The following SRPK1 variants were observed in gnomAD, a reference collection of about 807,000 sequenced individuals.
SRPK1 encodes SRSF protein kinase 1.
SRPK1 carries 52 observed loss-of-function variants against 89.5 expected under a neutral mutation model. The ratio of observed to expected loss-of-function variants is 0.58; its 90% CI spans 0.46 to 0.73. SRPK1 has a LOEUF of 0.73. SRPK1 is among the 30% of genes least tolerant of loss of function. SRPK1 has a pLI of 0.00. For missense variants in SRPK1, 603 were observed against 780.6 expected, an observed-to-expected ratio of 0.77 and a Z score of 2.71; for synonymous variants, 255 against 270.2, an observed-to-expected ratio of 0.94 and a Z score of 0.55.
chr6:35,838,273 G>A, intron 15 of SRPK1, 64 bp downstream of exon 15: 1 of 1,150,504 alleles, frequency 8.7e-7, no homozygotes, highest in Non-Finnish European at 1.2e-6. Context: ...TTGGGAATAT[G>A]TGCTTACCTC....
At chr6:35,914,926 G>A (rs1169710831) in intron 2 of SRPK1, among the ~76,000 whole-genome samples, 1 of 151,904 alleles carries the variant, frequency 6.6e-6, no homozygotes, top group Non-Finnish European at 1.5e-5. Flanking sequence ...AGCCTCCTGT[G>A]TGGCTGGGAT....
intron 2 of SRPK1, among the ~76,000 whole-genome samples, chr6:35,903,340 C>T (rs1208038964): frequency 6.6e-6 from 1 of 151,966 alleles, no homozygotes; most frequent in East Asian, 1.9e-4. Context: ...GGTGAAACCC[C>T]ACCTCTACTG....
chr6:35,920,719 G>C (rs1771217222), intron 1 of SRPK1, 191 bp from the exon 2 acceptor site: 1 of 238,392 alleles, frequency 4.2e-6, no homozygotes, highest in African/African-American at 2.3e-5. Context: ...GGCGGGATGC[G>C]CCGGAGGGGT....
Position 35,857,254 on chromosome 6 carries a change from A to G in SRPK1, c.1620+7T>C. Reference sequence around the variant, plus strand: ...AACAAGTGAAAGCCAAGGGGAAAAAACATTACCATGCATGCCGTGCTCCAA... The same window carrying G: ...AACAAGTGAAAGCCAAGGGGAAAAAGCATTACCATGCATGCCGTGCTCCAA... On this transcript the variant is annotated splice_region_variant and intron_variant, in intron 13 of 15. Coordinates refer to ENST00000373825, the MANE Select transcript of SRPK1 (RefSeq NM_003137.5). The G allele has an allele frequency of 6.2e-7, 1 of 1,605,750 alleles. No individual in the cohort carries two copies. The highest frequency in any genetic ancestry group is 8.5e-7 in the Non-Finnish European group (1 of 1,174,390).
chr6:35,919,893 A>T (rs1369690683), intron 2 of SRPK1, among the ~76,000 whole-genome samples: 1 of 152,224 alleles, frequency 6.6e-6, no homozygotes, highest in Non-Finnish European at 1.5e-5. Flanking sequence ...CACCGACTGT[A>T]TACACAGCGG....
chr6:35,853,379 TTAAG>T (rs1434693619), intron 13 of SRPK1, among the ~76,000 whole-genome samples: 6 of 152,312 alleles, frequency 3.9e-5, no homozygotes, highest in South Asian at 2.1e-4. Context: ...TAGAAACAAT[TTAAG>T]TACACAGAGG....
rs373236547 is a variant in SRPK1, at chr6:35,843,118, A to G, written c.1621-514T>C. On this transcript the variant is annotated intron_variant, in intron 13 of 15. Transcript: ENST00000373825. ...CGAGTAGCTGGGACTACAGGTGCCC[A>G]CCACCACGCCCAGCTAATTTTTTGT... 2.0e-3 allele frequency among the ~76,000 whole-genome samples: 305 copies of G among 149,712 alleles called. 6 individuals carry two copies. The South Asian group carries it at 0.027, about 13-fold the overall frequency.
At chr6:35,888,296 A>G (rs551271962) in intron 4 of SRPK1, among the ~76,000 whole-genome samples, 185 bp from the exon 5 acceptor site, 7 of 152,194 alleles carry the variant, frequency 4.6e-5, no homozygotes, top group Non-Finnish European at 7.4e-5. Context: ...TTTCATTTAT[A>G]GGAAGAATAA....
At chr6:35,861,497 GA>G (rs1769782046) in intron 12 of SRPK1, among the ~76,000 whole-genome samples, 2 of 152,208 alleles carry the variant, frequency 1.3e-5, no homozygotes, top group African/African-American at 4.8e-5. Flanking sequence ...TGAGGAGGAA[GA>G]GGGGAGGCTA....
chr6:35,911,063 T>G (rs1168391258), intron 2 of SRPK1, among the ~76,000 whole-genome samples: 1 of 152,198 alleles, frequency 6.6e-6, no homozygotes, highest in African/African-American at 2.4e-5. Context: ...ATTTCAACTT[T>G]CAAGTCTTAT....
rs756298367 is a variant in SRPK1 at position 35,857,263 on chromosome 6, T to C, written c.1618A>G (p.Met540Val). 6.2e-7 allele frequency: 1 copy of C among 1,609,510 alleles called. No homozygotes were observed. The highest frequency in any genetic ancestry group is 8.5e-7 in the Non-Finnish European group (1 of 1,177,068). Residue 540 changes from methionine to valine, a missense_variant and splice_region_variant, in exon 13 of 16, where the codon ATG becomes GTG. By Grantham distance (21) the Met-to-Val change is conservative (BLOSUM62 1). Coordinates refer to ENST00000373825, the MANE Select transcript of SRPK1 (RefSeq NM_003137.5). ...AAGCCAAGGGGAAAAAACATTACCA[T>C]GCATGCCGTGCTCCAAATGTCAGCA... ...TPADIWSTACMAFELATGDYL... is the reference protein window; with the variant it reads ...TPADIWSTACVAFELATGDYL...
intron 6 of SRPK1, among the ~76,000 whole-genome samples, chr6:35,875,956 T>A (rs1045849421): frequency 1.3e-5 from 2 of 152,114 alleles, no homozygotes; most frequent in African/African-American, 4.8e-5. Flanking sequence ...TGCATTCGAA[T>A]GCATATTCTA....
chr6:35,909,237 G>A (rs1248752761), intron 2 of SRPK1, among the ~76,000 whole-genome samples: 3 of 152,194 alleles, frequency 2.0e-5, no homozygotes, highest in African/African-American at 7.2e-5. Context: ...CCCTTGCATC[G>A]GCATGCCCTG....
At chr6:35,905,228 T>C (rs1240850874) in intron 2 of SRPK1, among the ~76,000 whole-genome samples, 2 of 152,134 alleles carry the variant, frequency 1.3e-5, no homozygotes, top group East Asian at 1.9e-4. Context: ...CTAGCTTCTG[T>C]TGAAAAAGCT....
intron 14 of SRPK1, 65 bp downstream of exon 14, chr6:35,842,470 T>A: frequency 7.8e-7 from 1 of 1,287,304 alleles, no homozygotes; most frequent in Non-Finnish European, 1.1e-6. Context: ...TACTAACAAA[T>A]GATGTTAGCT....
At chr6:35,859,542 G>A (rs1361517800) in intron 12 of SRPK1, among the ~76,000 whole-genome samples, 1 of 152,128 alleles carries the variant, frequency 6.6e-6, no homozygotes, top group Admixed American at 6.5e-5. Flanking sequence ...CTTCATATAT[G>A]TGCATTTCAC....
At chr6:35,845,255 CTT>C (rs1478496526) in intron 13 of SRPK1, among the ~76,000 whole-genome samples, 1 of 147,826 alleles carries the variant, frequency 6.8e-6, no homozygotes, top group Non-Finnish European at 1.5e-5. Flanking sequence ...AAACTACTGA[CTT>C]TGGTTAATAA....
At position 35,894,600 on chromosome 6, in the gene SRPK1, T is replaced by C. The variant is rs1362798215; in HGVS notation, c.75-3587A>G. 2.6e-5 allele frequency among the ~76,000 whole-genome samples: 4 copies of C among 152,190 alleles called. No homozygotes were observed. The East Asian group carries it at 5.8e-4, about 22-fold the overall frequency. On this transcript the variant is annotated intron_variant, in intron 2 of 15. Coordinates refer to ENST00000373825, the MANE Select transcript of SRPK1 (RefSeq NM_003137.5). ...CTTAATTTTTTATTAGGGAAATTTT[T>C]AAATCCCAGTGTTAAGAAGACTCTA...
chr6:35,870,999 A>T (rs918651281), intron 8 of SRPK1, 40 bp from the exon 9 acceptor site: 1 of 1,576,396 alleles, frequency 6.3e-7, no homozygotes, highest in African/African-American at 1.4e-5. Context: ...TCTGGCATTC[A>T]TCAGGCAATA....
Sources: gnomAD v4.1 joint callset for allele counts (sites outside exome capture counted in the v4.1 genomes callset) on GRCh38, gnomAD v4.1.1 for gene constraint, MANE v1.5 for transcripts, NCBI Gene and HGNC (gene_info 2026-07-23, HGNC 2026-07-21) for gene names.